KCNQ3: variants seen among roughly 807,000 people sequenced by gnomAD.
The protein encoded by KCNQ3 is potassium voltage-gated channel subfamily KQT member 3.
KCNQ3 carries 30 observed loss-of-function variants against 92.5 expected under a neutral mutation model. The observed-to-expected ratio is 0.32, with a 90% CI of 0.24 to 0.44. The LOEUF (loss-of-function observed/expected upper bound fraction) is 0.44. KCNQ3 is among the 20% of genes least tolerant of loss of function. The pLI is 1.00. For missense variants in KCNQ3, 913 were observed against 1,140.3 expected, an observed-to-expected ratio of 0.80 and a Z score of 2.87; for synonymous variants, 450 against 468.8, an observed-to-expected ratio of 0.96 and a Z score of 0.52.
intron 9 of KCNQ3, among the ~76,000 whole-genome samples, chr8:132,141,641 A>T (rs1364017308): frequency 6.6e-6 from 1 of 152,206 alleles, no homozygotes; most frequent in Non-Finnish European, 1.5e-5. Context: ...GCAGAGATTC[A>T]TCTTTCCCCA....
At chr8:132,395,853 G>A (rs981480249) in intron 1 of KCNQ3, among the ~76,000 whole-genome samples, 13 of 152,220 alleles carry the variant, frequency 8.5e-5, no homozygotes, top group Admixed American at 3.3e-4. Context: ...CAGCAAAGAG[G>A]AGGAATGGAC....
intron 1 of KCNQ3, among the ~76,000 whole-genome samples, chr8:132,295,094 A>C (rs1176100763): frequency 1.3e-5 from 2 of 152,252 alleles, no homozygotes; most frequent in Non-Finnish European, 2.9e-5. Context: ...ATCAGAGTGA[A>C]CAGACAGCCT....
At chr8:132,254,178 G>T (rs575100646) in intron 1 of KCNQ3, among the ~76,000 whole-genome samples, 21 of 152,332 alleles carry the variant, frequency 1.4e-4, no homozygotes, top group Admixed American at 9.8e-4. Flanking sequence ...GCCCATGGAA[G>T]TGTGAGCACT....
At chr8:132,268,610 G>A (rs1023924538) in intron 1 of KCNQ3, among the ~76,000 whole-genome samples, 7 of 152,256 alleles carry the variant, frequency 4.6e-5, no homozygotes, top group Admixed American at 1.3e-4. Context: ...ATATGCCCAC[G>A]TTTATTTATC....
At chr8:132,161,331 G>A (rs1467394579) in intron 9 of KCNQ3, among the ~76,000 whole-genome samples, 9 of 152,126 alleles carry the variant, frequency 5.9e-5, no homozygotes, top group African/African-American at 2.2e-4. Context: ...ACTCTATTTA[G>A]AAATATGAAT....
chr8:132,250,597 T>C (rs994608272), intron 1 of KCNQ3, among the ~76,000 whole-genome samples: 1 of 152,188 alleles, frequency 6.6e-6, no homozygotes, highest in African/African-American at 2.4e-5. Context: ...AGTGGCCTAG[T>C]TGTACAGCAC....
chr8:132,279,774 A>C (rs967860381), intron 1 of KCNQ3, among the ~76,000 whole-genome samples: 1 of 152,228 alleles, frequency 6.6e-6, no homozygotes. Flanking sequence ...GCATATCTAC[A>C]TGCAGACATC....
At chr8:132,230,530 A>G (rs908917671) in intron 1 of KCNQ3, among the ~76,000 whole-genome samples, 44 of 151,886 alleles carry the variant, frequency 2.9e-4, no homozygotes, top group Non-Finnish European at 4.7e-4. Context: ...TTTTCTTGCA[A>G]TGTGTCTTCC....
Position 132,140,059 on chromosome 8 carries a change from G to A in KCNQ3, c.1568+17C>T. The A allele has an allele frequency of 1.3e-6, 2 of 1,554,054 alleles. No individual in the cohort carries two copies. Among genetic ancestry groups the A allele is most frequent in the Non-Finnish European group, 1.8e-6 (2 of 1,141,928 alleles). On this transcript the variant is annotated intron_variant, in intron 11 of 14. Transcript: ENST00000388996. Reference sequence around the variant, plus strand: ...GGGGGAGGCACACAGGCACAGGTGGGACCGTGGGGGCATTACCTGACGGCT... The same window carrying A: ...GGGGGAGGCACACAGGCACAGGTGGAACCGTGGGGGCATTACCTGACGGCT...
At chr8:132,400,565 C>T (rs973974438) in intron 1 of KCNQ3, among the ~76,000 whole-genome samples, 11 of 152,206 alleles carry the variant, frequency 7.2e-5, no homozygotes, top group East Asian at 3.9e-4. Context: ...GCACACACAA[C>T]GACCCCCACA....
At chr8:132,347,098 C>G (rs1329392418) in intron 1 of KCNQ3, among the ~76,000 whole-genome samples, 1 of 152,214 alleles carries the variant, frequency 6.6e-6, no homozygotes. Flanking sequence ...CTGTAGATGT[C>G]TGAGTCTGTA....
At chr8:132,164,876 C>T (rs1161150801) in intron 8 of KCNQ3, among the ~76,000 whole-genome samples, 1 of 150,632 alleles carries the variant, frequency 6.6e-6, no homozygotes, top group Non-Finnish European at 1.5e-5. Flanking sequence ...AGCTGATGAC[C>T]TTGACTCCCC....
intron 1 of KCNQ3, among the ~76,000 whole-genome samples, chr8:132,386,983 C>A (rs1207778967): frequency 6.6e-6 from 1 of 152,180 alleles, no homozygotes; most frequent in East Asian, 1.9e-4. Context: ...GCTAGTTACT[C>A]TGATTTGATC....
intron 1 of KCNQ3, among the ~76,000 whole-genome samples, chr8:132,352,869 C>T (rs1439901319): frequency 1.3e-5 from 2 of 152,122 alleles, no homozygotes; most frequent in East Asian, 1.9e-4. Flanking sequence ...TCAAGGCACA[C>T]TGCCCTGACC....
chr8:132,147,764 C>T (rs2436146), intron 9 of KCNQ3, among the ~76,000 whole-genome samples: 81,661 of 152,010 alleles, frequency 0.54, 22,246 homozygotes, highest in African/African-American at 0.6. Context: ...ATCTGTCTTG[C>T]GCCATTTTGA....
At chr8:132,255,420 A>C (rs748572804) in intron 1 of KCNQ3, among the ~76,000 whole-genome samples, 9 of 152,200 alleles carry the variant, frequency 5.9e-5, no homozygotes, top group Non-Finnish European at 1.0e-4. Flanking sequence ...AGTTGGGGAA[A>C]ATAAGAAGTT....
chr8:132,294,716 C>A (rs750552365), intron 1 of KCNQ3, among the ~76,000 whole-genome samples: 2 of 152,164 alleles, frequency 1.3e-5, no homozygotes, highest in Non-Finnish European at 2.9e-5. Context: ...GTGATGCCCA[C>A]CCCATAGGAG....
chr8:132,434,024 C>T (rs554185255), intron 1 of KCNQ3, among the ~76,000 whole-genome samples: 50 of 151,998 alleles, frequency 3.3e-4, no homozygotes, highest in African/African-American at 1.1e-3. Flanking sequence ...CCGGCTAAAA[C>T]GGTGAAACCC....
At chr8:132,214,587 A>G (rs1486461847) in intron 1 of KCNQ3, among the ~76,000 whole-genome samples, 2 of 152,076 alleles carry the variant, frequency 1.3e-5, no homozygotes, top group African/African-American at 4.8e-5. Context: ...ATGCACAAAT[A>G]CAATTGGTAG....
Sources: gnomAD v4.1 joint callset for allele counts (sites outside exome capture counted in the v4.1 genomes callset) on GRCh38, gnomAD v4.1.1 for gene constraint, MANE v1.5 for transcripts, NCBI Gene and HGNC (gene_info 2026-07-23, HGNC 2026-07-21) for gene names.